ANK2: variants seen among roughly 807,000 people sequenced by gnomAD.
ANK2 encodes ankyrin 2.
Under a neutral mutation model 360.5 loss-of-function variants are expected in ANK2, and 83 were observed. That is an observed-to-expected ratio of 0.23 (90% confidence interval 0.19 to 0.28). The LOEUF (loss-of-function observed/expected upper bound fraction) is 0.28, where lower values mean the gene tolerates loss of function less well. ANK2 is among the 10% of genes least tolerant of loss of function. ANK2 has a pLI of 1.00. For synonymous variants in ANK2, 1,740 were observed against 1,759.5 expected, an observed-to-expected ratio of 0.99 and a Z score of 0.28; for missense variants, 4,201 against 4,795.7, an observed-to-expected ratio of 0.88 and a Z score of 3.66.
At chr4:113,083,451 A>C (rs544424626) in intron 1 of ANK2, among the ~76,000 whole-genome samples, 1 of 152,326 alleles carries the variant, frequency 6.6e-6, no homozygotes, top group South Asian at 2.1e-4. Context: ...CTAGGATTAC[A>C]GGCTTCAGCC....
intron 1 of ANK2, among the ~76,000 whole-genome samples, chr4:113,157,874 G>T (rs1015443983): frequency 1.2e-4 from 19 of 152,170 alleles, no homozygotes; most frequent in African/African-American, 4.6e-4. Context: ...AACCTTATGA[G>T]ACCTTGGTTT....
At chr4:113,141,439 A>G (rs1332948831) in intron 1 of ANK2, 2 of 152,216 alleles carry the variant, frequency 1.3e-5, no homozygotes, top group Non-Finnish European at 2.9e-5. Context: ...AATGTTACAT[A>G]TTCTGTGTCA....
chr4:113,142,615 T>TC (rs553268791), intron 1 of ANK2, among the ~76,000 whole-genome samples: 120 of 152,182 alleles, frequency 7.9e-4, no homozygotes, highest in African/African-American at 2.7e-3. Flanking sequence ...GGTTCAGGGA[T>TC]CACTACATGG....
At chr4:112,852,116 A>C (rs1053083726) in intron 1 of ANK2, among the ~76,000 whole-genome samples, 7 of 152,226 alleles carry the variant, frequency 4.6e-5, no homozygotes, top group African/African-American at 1.2e-4. Context: ...ACTGGAATTT[A>C]AGTCTTCCTC....
intron 2 of ANK2, among the ~76,000 whole-genome samples, chr4:112,992,873 G>A (rs2047292997): frequency 1.3e-5 from 2 of 152,298 alleles, no homozygotes; most frequent in Non-Finnish European, 2.9e-5. Flanking sequence ...TCTTAAAATT[G>A]ACATCTGTTC....
intron 2 of ANK2, among the ~76,000 whole-genome samples, chr4:113,018,525 A>G (rs1227295625): frequency 6.6e-6 from 1 of 152,024 alleles, no homozygotes; most frequent in African/African-American, 2.4e-5. Flanking sequence ...GTTTAGACTT[A>G]AGGTTAGCAT....
intron 1 of ANK2, among the ~76,000 whole-genome samples, chr4:112,866,951 C>T (rs1044801890): frequency 6.6e-6 from 1 of 152,024 alleles, no homozygotes; most frequent in Non-Finnish European, 1.5e-5. Flanking sequence ...AATTACTTCA[C>T]ATTTACTTTT....
chr4:113,318,136 A>C (rs2083917359), intron 25 of ANK2, among the ~76,000 whole-genome samples: 1 of 152,216 alleles, frequency 6.6e-6, no homozygotes, highest in South Asian at 2.1e-4. Context: ...TTAAGGTATA[A>C]GATGAATGGT....
chr4:112,929,147 C>G (rs927615828), intron 2 of ANK2, among the ~76,000 whole-genome samples: 77 of 152,262 alleles, frequency 5.1e-4, no homozygotes, highest in African/African-American at 1.7e-3. Context: ...GCCACCACAC[C>G]CAGCCTCCAT....
chr4:113,356,643 A>G lies in ANK2; in HGVS notation c.8025A>G (p.Lys2675=). The part of the protein sequence containing the change: ...ESEPELAQLK[K]GADSGLLPEP... ...AACCTGAGTTGGCACAGCTTAAAAA[A>G]GGTGCTGACTCAGGCCTTTTACCAG... Residue 2675 remains lysine (K), a synonymous_variant, in exon 38 of 46, where the codon AAA becomes AAG. Coordinates refer to ENST00000357077, the MANE Select transcript of ANK2 (RefSeq NM_001148.6). 1 of 1,614,106 alleles carries G rather than the reference A, an allele frequency of 6.2e-7. No individual in the cohort carries two copies. Among genetic ancestry groups the G allele is most frequent in the South Asian group, 1.1e-5 (1 of 91,074 alleles).
intron 22 of ANK2, among the ~76,000 whole-genome samples, chr4:113,297,974 C>T (rs925967159): frequency 5.3e-5 from 8 of 152,070 alleles, no homozygotes; most frequent in South Asian, 4.2e-4. Context: ...TTTGTAGAGA[C>T]GGGGTTTTGC....
intron 2 of ANK2, among the ~76,000 whole-genome samples, chr4:113,003,381 T>A (rs892599399): frequency 1.3e-5 from 2 of 151,912 alleles, no homozygotes. Flanking sequence ...TATAGATTTC[T>A]TTTTTTTGAA....
chr4:113,025,372 G>C (rs2059059969), intron 2 of ANK2, among the ~76,000 whole-genome samples: 1 of 152,106 alleles, frequency 6.6e-6, no homozygotes, highest in Non-Finnish European at 1.5e-5. Context: ...ATCTGCCTGG[G>C]TGTCCCCATA....
intron 2 of ANK2, among the ~76,000 whole-genome samples, chr4:112,959,309 T>C (rs1416011869): frequency 6.6e-6 from 1 of 152,136 alleles, no homozygotes; most frequent in Non-Finnish European, 1.5e-5. Context: ...ACCTTAACCC[T>C]TAATGAAGCA....
At chr4:112,966,069 A>G (rs1437747771) in intron 2 of ANK2, among the ~76,000 whole-genome samples, 1 of 151,844 alleles carries the variant, frequency 6.6e-6, no homozygotes, top group Non-Finnish European at 1.5e-5. Flanking sequence ...TTAGGTGTAG[A>G]ACTTTAAAAA....
At chr4:112,823,689 A>T (rs2057732554) in intron 1 of ANK2, among the ~76,000 whole-genome samples, 1 of 152,266 alleles carries the variant, frequency 6.6e-6, no homozygotes, top group Non-Finnish European at 1.5e-5. Context: ...AAGCACAAGC[A>T]AATATCTCTT....
chr4:112,923,574 A>G (rs1286932394), intron 2 of ANK2, among the ~76,000 whole-genome samples: 2 of 152,150 alleles, frequency 1.3e-5, no homozygotes, highest in African/African-American at 4.8e-5. Flanking sequence ...GCAAATATGA[A>G]TTAGATATTA....
chr4:113,100,383 A>G (rs974650120), intron 1 of ANK2, among the ~76,000 whole-genome samples: 2 of 152,176 alleles, frequency 1.3e-5, no homozygotes, highest in Admixed American at 6.5e-5. Context: ...GATGCTGGAC[A>G]TTACATCTCA....
chr4:112,808,997 T>C, the ANK2 span, among the ~76,000 whole-genome samples: 31 of 152,042 alleles, frequency 2.0e-4, no homozygotes, highest in Admixed American at 1.3e-3. Context: ...TAGCTGGGAT[T>C]ACAGGTGTGT....
Sources: allele counts gnomAD v4.1 joint callset (sites outside exome capture counted in the v4.1 genomes callset), GRCh38; gene constraint gnomAD v4.1.1; transcripts MANE v1.5; gene names NCBI Gene and HGNC (gene_info 2026-07-23, HGNC 2026-07-21).